Variants in CNTN5 observed in about 807,000 individuals in gnomAD.
CNTN5 encodes the protein contactin-5.
Under a neutral mutation model 129.1 loss-of-function variants are expected in CNTN5, and 77 were observed. That is an observed-to-expected ratio of 0.60 (90% CI 0.50 to 0.72). The LOEUF is 0.72. Among genes scored for constraint, CNTN5 ranks in the 30% least tolerant of loss-of-function variants. CNTN5 has a pLI of 0.00. For synonymous variants in CNTN5, 509 were observed against 465.6 expected (o/e 1.09, Z -1.20); for missense variants, 1,478 against 1,328.8 (o/e 1.11, Z -1.75).
At chr11:99,209,786 C>A (rs1268096238) in intron 1 of CNTN5, among the ~76,000 whole-genome samples, 1 of 152,090 alleles carries the variant, frequency 6.6e-6, no homozygotes, top group African/African-American at 2.4e-5. Context: ...TAATTTACTG[C>A]CAATGAACAG....
chr11:100,327,523 A>T (rs541680237), intron 21 of CNTN5, among the ~76,000 whole-genome samples: 1 of 152,250 alleles, frequency 6.6e-6, no homozygotes, highest in Non-Finnish European at 1.5e-5. Flanking sequence ...CTATCCCTCA[A>T]GTTAGATCTG....
intron 2 of CNTN5, among the ~76,000 whole-genome samples, chr11:99,514,770 A>G (rs947821589): frequency 6.6e-6 from 1 of 152,084 alleles, no homozygotes; most frequent in African/African-American, 2.4e-5. Context: ...GAAACCAAAA[A>G]GCTAGTGTGA....
intron 9 of CNTN5, among the ~76,000 whole-genome samples, chr11:100,047,156 G>T: frequency 6.6e-6 from 1 of 151,652 alleles, no homozygotes; most frequent in East Asian, 1.9e-4. Flanking sequence ...TAGTAGAGAA[G>T]GAACAAAAAA....
intron 2 of CNTN5, among the ~76,000 whole-genome samples, chr11:99,458,798 T>A (rs1944585146): frequency 6.6e-6 from 1 of 151,904 alleles, no homozygotes; most frequent in Non-Finnish European, 1.5e-5. Flanking sequence ...ACTGAGCAAA[T>A]AAAGTTTGAA....
At chr11:99,507,038 T>G (rs1318738882) in intron 2 of CNTN5, among the ~76,000 whole-genome samples, 1 of 152,144 alleles carries the variant, frequency 6.6e-6, no homozygotes, top group African/African-American at 2.4e-5. Flanking sequence ...GTTTCCATTT[T>G]TAAAAATAAA....
intron 3 of CNTN5, among the ~76,000 whole-genome samples, chr11:99,753,935 G>T (rs1254733605): frequency 3.4e-5 from 5 of 148,124 alleles, no homozygotes; most frequent in Non-Finnish European, 5.9e-5. Flanking sequence ...TGATCTGCCC[G>T]CCTCAGCCCC....
At chr11:100,268,038 G>C (rs549904125) in intron 17 of CNTN5, among the ~76,000 whole-genome samples, 2 of 152,118 alleles carry the variant, frequency 1.3e-5, no homozygotes, top group Non-Finnish European at 2.9e-5. Context: ...AACAGTATGA[G>C]AGAAAAAGAA....
chr11:100,100,763 G>T (rs186039786), intron 13 of CNTN5, among the ~76,000 whole-genome samples: 86 of 152,198 alleles, frequency 5.7e-4, no homozygotes, highest in African/African-American at 2.0e-3. Context: ...TTGCATCTTA[G>T]AATTTGGTTA....
intron 3 of CNTN5, chr11:99,558,237 C>T: frequency 2.5e-6 from 1 of 394,496 alleles, no homozygotes; most frequent in African/African-American, 2.1e-5. Flanking sequence ...CTGCTGATCT[C>T]AGTTGTTTCT....
intron 7 of CNTN5, among the ~76,000 whole-genome samples, chr11:99,946,473 A>G (rs1283966561): frequency 6.6e-6 from 1 of 151,782 alleles, no homozygotes; most frequent in Non-Finnish European, 1.5e-5. Flanking sequence ...GATTTTAAAT[A>G]GTCAATCTCT....
rs138889171 is a variant in CNTN5 at position 99,767,445 on chromosome 11, T to C, written c.56-52099T>C. Among the ~76,000 whole-genome samples the C allele has an allele frequency of 1.7e-3, 260 of 152,190 alleles. 1 individual carries two copies. The highest frequency in any genetic ancestry group is 6.1e-3 in the African/African-American group (254 of 41,566). On this transcript the variant is annotated intron_variant, in intron 3 of 24. Transcript: ENST00000524871. ...ACAGCATATATTTTAATGTGTTAAA[T>C]ATCACAAGATTAGTGAATTCATAAA...
chr11:99,471,033 A>T, intron 2 of CNTN5, among the ~76,000 whole-genome samples: 1 of 152,216 alleles, frequency 6.6e-6, no homozygotes, highest in African/African-American at 2.4e-5. Context: ...ATCTGAACTG[A>T]TTCTGAACCT....
At chr11:99,928,771 G>A (rs1950123473) in intron 7 of CNTN5, among the ~76,000 whole-genome samples, 1 of 152,298 alleles carries the variant, frequency 6.6e-6, no homozygotes, top group South Asian at 2.1e-4. Flanking sequence ...GATTGTCTTG[G>A]TGATTAACAT....
intron 2 of CNTN5, among the ~76,000 whole-genome samples, chr11:99,369,952 C>T (rs1939727243): frequency 6.6e-6 from 1 of 152,060 alleles, no homozygotes. Flanking sequence ...GGACAGATAA[C>T]AGGCCAAAGT....
chr11:99,310,208 C>G (rs1187417078), intron 1 of CNTN5, among the ~76,000 whole-genome samples: 1 of 152,050 alleles, frequency 6.6e-6, no homozygotes, highest in Non-Finnish European at 1.5e-5. Context: ...CAGAAAGACA[C>G]ATACAATGCT....
chr11:99,718,229 AT>A (rs1201868298), intron 3 of CNTN5, among the ~76,000 whole-genome samples: 1 of 152,136 alleles, frequency 6.6e-6, no homozygotes, highest in Non-Finnish European at 1.5e-5. Flanking sequence ...TCACTAATAC[AT>A]TTGTTAAACC....
chr11:99,270,449 C>T (rs1367495839), intron 1 of CNTN5, among the ~76,000 whole-genome samples: 1 of 151,842 alleles, frequency 6.6e-6, no homozygotes, highest in Non-Finnish European at 1.5e-5. Context: ...GGAGACCTAA[C>T]CCCAAAACCT....
chr11:99,859,898 A>G (rs924637787), intron 6 of CNTN5, among the ~76,000 whole-genome samples: 2 of 152,108 alleles, frequency 1.3e-5, no homozygotes, highest in African/African-American at 4.8e-5. Flanking sequence ...TGGTAATTCT[A>G]AGTTCTTTGA....
chr11:100,351,762 G>A (rs1952420528), intron 24 of CNTN5, among the ~76,000 whole-genome samples: 1 of 151,270 alleles, frequency 6.6e-6, no homozygotes. Context: ...ACAATTAGTG[G>A]GTAATTAGGA....
Sources: gnomAD v4.1 joint callset for allele counts (sites outside exome capture counted in the v4.1 genomes callset) on GRCh38, gnomAD v4.1.1 for gene constraint, MANE v1.5 for transcripts, NCBI Gene and HGNC (gene_info 2026-07-23, HGNC 2026-07-21) for gene names.